XKR9: variants seen among roughly 807,000 people sequenced by gnomAD.
XKR9 encodes the protein XK-related protein 9.
In XKR9, 32 loss-of-function variants were observed where a neutral mutation model predicts 32.0. The observed-to-expected ratio is 1.00, with a 90% confidence interval of 0.76 to 1.34. The LOEUF (loss-of-function observed/expected upper bound fraction) is 1.34. Among genes scored for constraint, XKR9 ranks in the 40% most tolerant of loss-of-function variants. XKR9 has a pLI of 0.00. For synonymous variants in XKR9, 168 were observed against 143.4 expected (o/e 1.17, Z -1.22); for missense variants, 546 against 429.7 (o/e 1.27, Z -2.39).
the XKR9 span, among the ~76,000 whole-genome samples, chr8:71,009,792 C>T: frequency 6.6e-6 from 1 of 152,148 alleles, no homozygotes; most frequent in South Asian, 2.1e-4. Context: ...GGTAAATTCT[C>T]AACTTGGACT....
intron 3 of XKR9, among the ~76,000 whole-genome samples, chr8:70,699,946 C>G (rs1805454896): frequency 6.6e-6 from 1 of 152,198 alleles, no homozygotes; most frequent in Admixed American, 6.5e-5. Flanking sequence ...TCTTCCATCA[C>G]TGATACCCTT....
the XKR9 span, among the ~76,000 whole-genome samples, chr8:70,956,412 C>G: frequency 2.6e-5 from 4 of 152,102 alleles, no homozygotes; most frequent in Admixed American, 6.5e-5. Context: ...GCAGCCACAG[C>G]AGGCCTGGAA....
chr8:70,756,100 C>T (rs367621410), intron 2 of XKR9, among the ~76,000 whole-genome samples: 5 of 152,014 alleles, frequency 3.3e-5, no homozygotes, highest in African/African-American at 9.7e-5. Context: ...TATCCAGTTA[C>T]CCCCGTACCA....
chr8:71,025,965 A>G, the XKR9 span, among the ~76,000 whole-genome samples: 26 of 152,288 alleles, frequency 1.7e-4, no homozygotes, highest in African/African-American at 5.8e-4. Flanking sequence ...GCTCAACCAC[A>G]GACATTTCCT....
intron 2 of XKR9, among the ~76,000 whole-genome samples, chr8:70,743,995 C>T (rs896691890): frequency 2.2e-4 from 33 of 152,072 alleles, no homozygotes; most frequent in African/African-American, 7.7e-4. Flanking sequence ...AAGAGATATA[C>T]CCACCTTCTT....
At chr8:70,924,787 T>A in the XKR9 span, among the ~76,000 whole-genome samples, 1 of 152,194 alleles carries the variant, frequency 6.6e-6, no homozygotes, top group African/African-American at 2.4e-5. Context: ...AATATCTCAT[T>A]GTTAAAAGTT....
Position 70,734,414 on chromosome 8 carries a change from T to C in XKR9, c.1112T>C (p.Leu371Pro), listed in dbSNP as rs753971526. ...VLRECRMRYF[L>P]ME ...AGAGAATGTAGAATGAGATATTTCC[T>C]AATGGAATAAGCTATTCATTTATGA... The change falls in exon 5 of 5, where the codon CTA (leucine) becomes CCA (proline). Residue 371 changes from leucine (L) to proline (P), a missense_variant. Leu to Pro is a moderately conservative substitution (Grantham distance 98). Transcript: ENST00000408926. The C allele has an allele frequency of 1.1e-5, 18 of 1,577,624 alleles. No homozygotes were observed. The South Asian group carries it at 2.1e-4, about 19-fold the overall frequency.
At chr8:70,831,896 TC>T in the XKR9 span, among the ~76,000 whole-genome samples, 11 of 152,184 alleles carry the variant, frequency 7.2e-5, no homozygotes, top group Non-Finnish European at 1.5e-5. Context: ...TCCTCCTGCT[TC>T]CCTGGCAGGG....
the XKR9 span, among the ~76,000 whole-genome samples, chr8:70,819,812 T>G: frequency 6.6e-6 from 1 of 152,184 alleles, no homozygotes; most frequent in Non-Finnish European, 1.5e-5. Context: ...GGGCCACACC[T>G]GTTTGCAGAC....
chr8:70,763,174 C>T (rs1003716448), intron 2 of XKR9, among the ~76,000 whole-genome samples: 19 of 151,886 alleles, frequency 1.3e-4, no homozygotes, highest in African/African-American at 4.6e-4. Context: ...ATTAAGGGGT[C>T]TTTGATAGTA....
At chr8:70,929,116 A>T in the XKR9 span, among the ~76,000 whole-genome samples, 1 of 152,134 alleles carries the variant, frequency 6.6e-6, no homozygotes, top group Non-Finnish European at 1.5e-5. Flanking sequence ...AACCAGAGGA[A>T]TAGTCATCTG....
intron 4 of XKR9, among the ~76,000 whole-genome samples, chr8:70,720,150 G>A (rs1227864070): frequency 1.3e-5 from 2 of 152,118 alleles, no homozygotes; most frequent in African/African-American, 4.8e-5. Flanking sequence ...CATTGATTTT[G>A]TATCCTGAGA....
At chr8:71,047,947 C>A in the XKR9 span, among the ~76,000 whole-genome samples, 2 of 152,274 alleles carry the variant, frequency 1.3e-5, no homozygotes, top group Non-Finnish European at 2.9e-5. Flanking sequence ...TGTGAGGTAA[C>A]CCCCAAGTGG....
the XKR9 span, among the ~76,000 whole-genome samples, chr8:70,872,903 G>T: frequency 1.3e-5 from 2 of 152,144 alleles, no homozygotes; most frequent in Admixed American, 6.5e-5. Context: ...CAGGTGATCT[G>T]CCTGCCTTGG....
intron 3 of XKR9, among the ~76,000 whole-genome samples, chr8:70,705,684 C>T (rs1202209132): frequency 2.0e-5 from 3 of 152,004 alleles, no homozygotes; most frequent in South Asian, 4.1e-4. Flanking sequence ...ATAAGGACTT[C>T]GGATTTCGTT....
intron 3 of XKR9, among the ~76,000 whole-genome samples, chr8:70,699,386 A>G (rs1214995493): frequency 6.6e-6 from 1 of 152,070 alleles, no homozygotes; most frequent in Non-Finnish European, 1.5e-5. Flanking sequence ...TGGTGGTGAC[A>G]AAATCTCTCA....
chr8:71,050,521 G>A, the XKR9 span, among the ~76,000 whole-genome samples: 13 of 152,002 alleles, frequency 8.6e-5, no homozygotes, highest in African/African-American at 2.7e-4. Flanking sequence ...ATATCTATCC[G>A]AATTAAGACA....
chr8:70,835,544 G>A, the XKR9 span, among the ~76,000 whole-genome samples: 1 of 152,004 alleles, frequency 6.6e-6, no homozygotes, highest in African/African-American at 2.4e-5. Context: ...AGGCCAGTTA[G>A]GTTAAGTTGA....
At chr8:70,693,488 T>A (rs926877692) in intron 3 of XKR9, among the ~76,000 whole-genome samples, 2 of 152,250 alleles carry the variant, frequency 1.3e-5, no homozygotes, top group Non-Finnish European at 2.9e-5. Context: ...CCTTGAGTAC[T>A]GGCTGTAGTT....
Sources: gnomAD v4.1 joint callset for allele counts (sites outside exome capture counted in the v4.1 genomes callset) on GRCh38, gnomAD v4.1.1 for gene constraint, MANE v1.5 for transcripts, NCBI Gene and HGNC (gene_info 2026-07-23, HGNC 2026-07-21) for gene names.